SGCE: variants seen among roughly 807,000 people sequenced by gnomAD.
SGCE encodes the protein sarcoglycan epsilon, also known as epsilon-sarcoglycan.
SGCE carries 26 observed loss-of-function variants against 57.8 expected under a neutral mutation model. The observed-to-expected ratio is 0.45, with a 90% CI of 0.33 to 0.62. The LOEUF is 0.62. Ranked by LOEUF, SGCE falls within the 20% of genes least tolerant of loss-of-function variation. SGCE has a pLI of 0.02. For synonymous variants in SGCE, 183 were observed against 189.5 expected (o/e 0.97, Z 0.28); for missense variants, 468 against 548.6 (o/e 0.85, Z 1.47).
At chr7:94,616,948 C>G (rs1282146868) in intron 5 of SGCE, 2 of 152,166 alleles carry the variant, frequency 1.3e-5, no homozygotes, top group Non-Finnish European at 2.9e-5. Context: ...GGGAAGGGAT[C>G]TGAGACAAGA....
rs187812278 is a variant in SGCE at position 94,604,858 on chromosome 7, T to A, written c.663-1406A>T. On this transcript the variant is annotated intron_variant, in intron 5 of 10. Coordinates refer to ENST00000648936, the MANE Select transcript of SGCE (RefSeq NM_003919.3). ...ATATATATATATATATATATATATATAATAGTTGTTATAACTAATGGTGCT... is the reference window on the plus strand; with the variant it reads ...ATATATATATATATATATATATATAAAATAGTTGTTATAACTAATGGTGCT... 3.9e-3 allele frequency among the ~76,000 whole-genome samples: 296 copies of A among 75,110 alleles called. 1 individual carries two copies. The highest frequency in any genetic ancestry group is 5.6e-3 in the Non-Finnish European group (211 of 37,348). 49.3% of individuals were successfully genotyped at this position (75,110 alleles called of 152,430 possible).
chr7:94,645,729 A>G (rs1267369603), intron 1 of SGCE, among the ~76,000 whole-genome samples: 2 of 152,176 alleles, frequency 1.3e-5, no homozygotes, highest in Non-Finnish European at 2.9e-5. Flanking sequence ...TCAGTGACAT[A>G]CTGTTGAGTA....
chr7:94,613,617 C>T (rs1449367835), intron 5 of SGCE, among the ~76,000 whole-genome samples: 1 of 152,096 alleles, frequency 6.6e-6, no homozygotes, highest in African/African-American at 2.4e-5. Flanking sequence ...TTTATTGAGG[C>T]CTTTACATTT....
intron 5 of SGCE, among the ~76,000 whole-genome samples, chr7:94,607,179 C>T (rs879556257): frequency 6.6e-6 from 1 of 152,084 alleles, no homozygotes; most frequent in African/African-American, 2.4e-5. Flanking sequence ...AAGCAGAAAG[C>T]ATCAGGTCCA....
chr7:94,585,392 A>T lies in SGCE; in HGVS notation c.*107T>A. ...TATACACTTAATACTGCCAACATGCATAACATATGCCAGAAAAGCTCATGC... is the reference window on the plus strand; with the variant it reads ...TATACACTTAATACTGCCAACATGCTTAACATATGCCAGAAAAGCTCATGC... On this transcript the variant is annotated 3_prime_UTR_variant, in exon 11 of 11. Transcript: ENST00000648936. 3 of 984,440 alleles carry T rather than the reference A, an allele frequency of 3.0e-6. No individual in the cohort carries two copies. The highest frequency in any genetic ancestry group is 4.9e-6 in the Non-Finnish European group (3 of 608,428). 61.0% of individuals were successfully genotyped at this position (984,440 alleles called of 1,614,324 possible). A position where few individuals can be genotyped will look rare whatever the true frequency, so the allele number is the denominator to read the frequency against.
chr7:94,650,802 C>G (rs1341879635), intron 1 of SGCE, among the ~76,000 whole-genome samples: 3 of 152,208 alleles, frequency 2.0e-5, no homozygotes, highest in African/African-American at 7.2e-5. Flanking sequence ...CCCACCGATG[C>G]TAGTTCTACT....
At chr7:94,585,559 A>G (rs376394406) in intron 10 of SGCE, 44 bp from the exon 11 acceptor site, 113 of 1,363,338 alleles carry the variant, frequency 8.3e-5, no homozygotes, top group Non-Finnish European at 1.1e-4. Flanking sequence ...TAGTCAGGGC[A>G]TGGATACTTT....
intron 1 of SGCE, among the ~76,000 whole-genome samples, chr7:94,648,690 C>T (rs1689076662): frequency 6.6e-6 from 1 of 152,140 alleles, no homozygotes; most frequent in African/African-American, 2.4e-5. Flanking sequence ...CACTGATTAA[C>T]TATTTCATAG....
At position 94,619,177 on chromosome 7, in the gene SGCE, C is replaced by T. The variant is rs1325597606; in HGVS notation, c.464-221G>A. The T allele has an allele frequency of 3.0e-5, 15 of 507,392 alleles. No homozygotes were observed. The East Asian group carries it at 4.9e-4, about 17-fold the overall frequency. 31.4% of individuals were successfully genotyped at this position (507,392 alleles called of 1,614,324 possible). On this transcript the variant is annotated intron_variant, in intron 4 of 10. Transcript: ENST00000648936. ...ATCTACAATATAATAAAATCCAAGG[C>T]TCATCAGAGGCTCATCAGGGCAATT...
At chr7:94,648,598 T>C (rs1241540377) in intron 1 of SGCE, among the ~76,000 whole-genome samples, 1 of 152,192 alleles carries the variant, frequency 6.6e-6, no homozygotes, top group African/African-American at 2.4e-5. Flanking sequence ...TAGTCATCTG[T>C]TCTGTTTCTA....
At chr7:94,644,900 C>T (rs986882003) in intron 1 of SGCE, among the ~76,000 whole-genome samples, 2 of 152,134 alleles carry the variant, frequency 1.3e-5, no homozygotes, top group Non-Finnish European at 2.9e-5. Flanking sequence ...TTGGCCATTA[C>T]TTTTCTTTAG....
intron 5 of SGCE, among the ~76,000 whole-genome samples, chr7:94,610,808 A>C (rs1375817696): frequency 2.6e-5 from 4 of 152,230 alleles, no homozygotes; most frequent in African/African-American, 9.6e-5. Flanking sequence ...CTTAATCAAA[A>C]AATGAATAAT....
intron 9 of SGCE, chr7:94,598,561 T>C (rs540733704): frequency 2.7e-4 from 157 of 574,930 alleles, no homozygotes; most frequent in Non-Finnish European, 4.5e-4. Context: ...TATGTAGTCT[T>C]GTTTGGATCA....
At chr7:94,642,596 C>CTA (rs1255277754) in intron 1 of SGCE, among the ~76,000 whole-genome samples, 12 of 152,314 alleles carry the variant, frequency 7.9e-5, no homozygotes, top group African/African-American at 2.9e-4. Flanking sequence ...ACTGTGAACT[C>CTA]TAGAAGACAG....
chr7:94,591,533 G>A (rs895789863), intron 9 of SGCE, among the ~76,000 whole-genome samples: 4 of 152,126 alleles, frequency 2.6e-5, no homozygotes, highest in African/African-American at 4.8e-5. Flanking sequence ...CATAGGTAGT[G>A]GTTAGTAAAC....
At position 94,649,646 on chromosome 7, in the gene SGCE, A is replaced by G. The variant is rs972662902; in HGVS notation, c.109+6344T>C. On this transcript the variant is annotated intron_variant, in intron 1 of 10. Transcript: ENST00000648936. Reference sequence around the variant, plus strand: ...TCAAACTGCTGTTTGCATTATTACAATCCCACAAAAGTGCATGGGGCCCTT... The same window carrying G: ...TCAAACTGCTGTTTGCATTATTACAGTCCCACAAAAGTGCATGGGGCCCTT... Among the ~76,000 whole-genome samples, 8 of 152,214 alleles carry G rather than the reference A, an allele frequency of 5.3e-5. No homozygotes were observed. In the East Asian group the frequency reaches 1.2e-3, roughly 22 times the overall value.
At chr7:94,642,156 A>T (rs529817833) in intron 1 of SGCE, among the ~76,000 whole-genome samples, 3 of 152,256 alleles carry the variant, frequency 2.0e-5, no homozygotes, top group South Asian at 4.1e-4. Flanking sequence ...CACCCCCCAA[A>T]ATAAGCTACT....
At chr7:94,598,711 C>A in intron 9 of SGCE, 64 bp downstream of exon 9, 1 of 1,113,776 alleles carries the variant, frequency 9.0e-7, no homozygotes, top group African/African-American at 1.5e-5. Flanking sequence ...AAGCTCTGTT[C>A]TTTACAGATA....
chr7:94,633,411 A>C (rs1268279884), intron 1 of SGCE, among the ~76,000 whole-genome samples: 1 of 152,150 alleles, frequency 6.6e-6, no homozygotes. Flanking sequence ...AGAGAGCCAA[A>C]GGGTTATGTA....
Sources: allele counts gnomAD v4.1 joint callset (sites outside exome capture counted in the v4.1 genomes callset), GRCh38; gene constraint gnomAD v4.1.1; transcripts MANE v1.5; gene names NCBI Gene and HGNC (gene_info 2026-07-23, HGNC 2026-07-21).